Variants in TACR3 observed in about 807,000 individuals in gnomAD.
TACR3 encodes the protein tachykinin receptor 3.
Under a neutral mutation model 35.0 loss-of-function variants are expected in TACR3, and 34 were observed. That is an observed-to-expected ratio of 0.97 (90% CI 0.74 to 1.30). The LOEUF (loss-of-function observed/expected upper bound fraction) is 1.30, where lower values mean the gene tolerates loss of function less well. Ranked by LOEUF, TACR3 falls within the 50% of genes most tolerant of loss-of-function variation. The pLI, the probability that TACR3 is intolerant of heterozygous loss-of-function variation, is 0.00. For synonymous variants in TACR3, 233 were observed against 221.1 expected (o/e 1.05, Z -0.48); for missense variants, 558 against 591.7 (o/e 0.94, Z 0.59).
chr4:103,705,366 A>G (rs1024250617), intron 1 of TACR3, among the ~76,000 whole-genome samples: 7 of 152,004 alleles, frequency 4.6e-5, no homozygotes, highest in Non-Finnish European at 8.8e-5. Context: ...TGGCCTTTTC[A>G]TTCATTTATT....
chr4:103,629,247 T>C (rs554470546), intron 3 of TACR3, among the ~76,000 whole-genome samples: 11 of 152,100 alleles, frequency 7.2e-5, no homozygotes, highest in African/African-American at 1.2e-4. Context: ...GGATGCCCTC[T>C]CTCAACACTC....
At chr4:103,664,310 C>T (rs1236533770) in intron 1 of TACR3, among the ~76,000 whole-genome samples, 3 of 152,096 alleles carry the variant, frequency 2.0e-5, no homozygotes, top group Non-Finnish European at 4.4e-5. Context: ...TTGGATGTAA[C>T]TTTTGTCTGA....
chr4:103,712,908 A>C (rs1454147252), intron 1 of TACR3, among the ~76,000 whole-genome samples: 1 of 152,238 alleles, frequency 6.6e-6, no homozygotes, highest in Non-Finnish European at 1.5e-5. Context: ...AGAAATGCAA[A>C]TCAAAACCAC....
At chr4:103,597,682 C>A (rs185839029) in intron 3 of TACR3, among the ~76,000 whole-genome samples, 2 of 151,426 alleles carry the variant, frequency 1.3e-5, no homozygotes, top group Non-Finnish European at 2.9e-5. Context: ...TCAATTCCCA[C>A]CTGTGAGTGA....
chr4:103,649,542 T>G (rs1045216075), intron 3 of TACR3, among the ~76,000 whole-genome samples: 1 of 152,084 alleles, frequency 6.6e-6, no homozygotes, highest in Non-Finnish European at 1.5e-5. Context: ...GTTTTTCTTT[T>G]GTTTCCTCTT....
At chr4:103,606,487 C>T (rs1560804448) in intron 3 of TACR3, among the ~76,000 whole-genome samples, 1 of 151,638 alleles carries the variant, frequency 6.6e-6, no homozygotes, top group Non-Finnish European at 1.5e-5. Context: ...TGTTTGTATC[C>T]TCTTTTATTT....
chr4:103,711,215 C>T (rs1348769965), intron 1 of TACR3, among the ~76,000 whole-genome samples: 3 of 152,122 alleles, frequency 2.0e-5, no homozygotes, highest in South Asian at 2.1e-4. Flanking sequence ...ACCAATATCC[C>T]TGATGAACAT....
chr4:103,652,124 G>A (rs1433596580), intron 3 of TACR3, among the ~76,000 whole-genome samples: 1 of 152,046 alleles, frequency 6.6e-6, no homozygotes. Flanking sequence ...CACCACCCAA[G>A]TCCACTGGTT....
chr4:103,671,815 G>A (rs1212511820), intron 1 of TACR3, among the ~76,000 whole-genome samples: 1 of 151,780 alleles, frequency 6.6e-6, no homozygotes, highest in East Asian at 1.9e-4. Flanking sequence ...ATCCCACAAA[G>A]GTTTTTAAAA....
chr4:103,639,604 T>C (rs1222299928), intron 3 of TACR3, among the ~76,000 whole-genome samples: 1 of 151,508 alleles, frequency 6.6e-6, no homozygotes, highest in African/African-American at 2.4e-5. Flanking sequence ...TAAAATAAAA[T>C]GAAAAAAAGA....
At chr4:103,660,007 G>A (rs1017719714) in intron 1 of TACR3, among the ~76,000 whole-genome samples, 2 of 151,970 alleles carry the variant, frequency 1.3e-5, no homozygotes, top group African/African-American at 4.8e-5. Flanking sequence ...ATTTTCAGAC[G>A]TAATACTTTC....
chr4:103,719,002 A>C (rs1310219887), intron 1 of TACR3, 126 bp downstream of exon 1: 6 of 1,390,734 alleles, frequency 4.3e-6, no homozygotes, highest in Non-Finnish European at 5.9e-6. Context: ...TCCTTTCAGC[A>C]AAAATTCTTA....
chr4:103,667,154 A>T (rs1180723674), intron 1 of TACR3, among the ~76,000 whole-genome samples: 1 of 152,284 alleles, frequency 6.6e-6, no homozygotes, highest in East Asian at 1.9e-4. Flanking sequence ...GCTACTTGGG[A>T]GGCTGAGGCA....
In TACR3 at chr4:103,589,720, T is replaced by A; in HGVS notation, c.1360A>T (p.Ile454Leu). Reference protein sequence around the residue: ...SKSASATSSFISSPYTSVDEY... With the variant: ...SKSASATSSFLSSPYTSVDEY... Reference sequence around the variant, plus strand: ...TCCACAGAGGTATAGGGTGAGCTTATGAAACTTGAAGTGGCGGAGGCAGAT... The same window carrying A: ...TCCACAGAGGTATAGGGTGAGCTTAAGAAACTTGAAGTGGCGGAGGCAGAT... The change falls in exon 5 of 5, where the codon ATA becomes TTA. Residue 454 changes from isoleucine (I) to leucine (L), a missense_variant. By Grantham distance (5) the Ile-to-Leu change is conservative. Transcript: ENST00000304883. 3 of 1,613,998 alleles carry A rather than the reference T, an allele frequency of 1.9e-6. No homozygotes were observed. Among genetic ancestry groups the A allele is most frequent in the Non-Finnish European group, 2.5e-6 (3 of 1,179,896 alleles).
intron 3 of TACR3, among the ~76,000 whole-genome samples, chr4:103,620,660 C>T (rs1454784747): frequency 6.6e-6 from 1 of 152,112 alleles, no homozygotes; most frequent in Non-Finnish European, 1.5e-5. Flanking sequence ...AAACCAAATA[C>T]CACATGTTCT....
chr4:103,654,263 C>A (rs1725683132), intron 3 of TACR3, among the ~76,000 whole-genome samples: 1 of 151,354 alleles, frequency 6.6e-6, no homozygotes, highest in African/African-American at 2.4e-5. Flanking sequence ...TTTATTGTGG[C>A]ACTATTCACA....
At chr4:103,684,537 T>TA (rs1722186268) in intron 1 of TACR3, among the ~76,000 whole-genome samples, 1 of 151,980 alleles carries the variant, frequency 6.6e-6, no homozygotes, top group Non-Finnish European at 1.5e-5. Context: ...AAAATACTGA[T>TA]AAAAAAATAA....
intron 1 of TACR3, among the ~76,000 whole-genome samples, chr4:103,699,411 C>T (rs1311203523): frequency 6.6e-6 from 1 of 152,074 alleles, no homozygotes; most frequent in Non-Finnish European, 1.5e-5. Flanking sequence ...ACCAGCTAGT[C>T]TAAATTCTTG....
At chr4:103,601,387 T>C (rs193021238) in intron 3 of TACR3, among the ~76,000 whole-genome samples, 2 of 152,288 alleles carry the variant, frequency 1.3e-5, no homozygotes, top group Admixed American at 6.5e-5. Flanking sequence ...CCATTTACAT[T>C]TAAAGTTAAT....
Sources: allele counts gnomAD v4.1 joint callset (sites outside exome capture counted in the v4.1 genomes callset), GRCh38; gene constraint gnomAD v4.1.1; transcripts MANE v1.5; gene names NCBI Gene and HGNC (gene_info 2026-07-23, HGNC 2026-07-21).